The following DGCR2 variants were observed in gnomAD, a reference collection of about 807,000 sequenced individuals.
The protein encoded by DGCR2 is integral membrane protein DGCR2/IDD.
A neutral mutation model predicts 51.6 loss-of-function variants in DGCR2; 24 were observed. That is an observed-to-expected ratio of 0.47 (90% CI 0.34 to 0.65). The LOEUF (loss-of-function observed/expected upper bound fraction) is 0.65, where lower values mean the gene tolerates loss of function less well. Among genes scored for constraint, DGCR2 ranks in the 30% least tolerant of loss-of-function variants. The pLI is 0.01. For missense variants in DGCR2, 765 were observed against 772.1 expected (o/e 0.99, Z 0.11); for synonymous variants, 340 against 315.4 (o/e 1.08, Z -0.82).
At chr22:19,070,208 C>T (rs2082798589) in intron 2 of DGCR2, among the ~76,000 whole-genome samples, 1 of 151,952 alleles carries the variant, frequency 6.6e-6, no homozygotes, top group Non-Finnish European at 1.5e-5. Flanking sequence ...GATGCAGCCA[C>T]TAGGATGGGG....
chr22:19,092,439 T>C (rs1038956439), intron 1 of DGCR2, among the ~76,000 whole-genome samples: 11 of 151,972 alleles, frequency 7.2e-5, no homozygotes, highest in Non-Finnish European at 1.3e-4. Flanking sequence ...AATAAGGTAA[T>C]AGTATGAAAA....
At chr22:19,044,798 C>T (rs1466800173) in intron 7 of DGCR2, among the ~76,000 whole-genome samples, 1 of 152,218 alleles carries the variant, frequency 6.6e-6, no homozygotes, top group South Asian at 2.1e-4. Flanking sequence ...TAATAATTTA[C>T]ATCTTCTTCT....
intron 7 of DGCR2, among the ~76,000 whole-genome samples, chr22:19,042,209 G>A (rs2082440450): frequency 6.6e-6 from 1 of 152,206 alleles, no homozygotes; most frequent in African/African-American, 2.4e-5. Context: ...GCTGCTGTGT[G>A]CCAACACCCC....
intron 7 of DGCR2, chr22:19,046,592 G>C (rs2082492164): frequency 5.1e-6 from 1 of 194,956 alleles, no homozygotes; most frequent in African/African-American, 2.3e-5. Context: ...TTGTTGGAGG[G>C]GACATTCTGA....
At chr22:19,055,484 G>A (rs981016900) in intron 6 of DGCR2, among the ~76,000 whole-genome samples, 3 of 152,126 alleles carry the variant, frequency 2.0e-5, no homozygotes, top group Non-Finnish European at 4.4e-5. Flanking sequence ...AATCATCACT[G>A]TCCTGGAGAC....
intron 2 of DGCR2, among the ~76,000 whole-genome samples, chr22:19,071,236 T>C (rs1205973965): frequency 6.6e-6 from 1 of 152,166 alleles, no homozygotes; most frequent in Non-Finnish European, 1.5e-5. Context: ...CCAGCACCAC[T>C]AGAGTGCCAC....
chr22:19,119,629 G>C (rs556100123), intron 1 of DGCR2, among the ~76,000 whole-genome samples: 1 of 151,762 alleles, frequency 6.6e-6, no homozygotes. Context: ...CCAGCTACTC[G>C]GGAGGCTGAG....
intron 6 of DGCR2, among the ~76,000 whole-genome samples, chr22:19,050,117 C>A (rs2082533728): frequency 6.6e-6 from 1 of 152,170 alleles, no homozygotes; most frequent in Non-Finnish European, 1.5e-5. Context: ...ACCTATACAT[C>A]CAGGAAGCTC....
intron 6 of DGCR2, 145 bp from the exon 7 acceptor site, chr22:19,048,788 G>A: frequency 1.3e-6 from 1 of 779,956 alleles, no homozygotes; most frequent in Non-Finnish European, 2.1e-6. Flanking sequence ...GGAGGCAGCT[G>A]GAGGGGGCAT....
Position 19,108,080 on chromosome 22 carries a change from G to A in DGCR2, c.79+14048C>T, listed in dbSNP as rs577707841. Among the ~76,000 whole-genome samples the A allele has an allele frequency of 4.6e-5, 7 of 152,308 alleles. No individual in the cohort carries two copies. In the East Asian group the frequency reaches 1.3e-3, roughly 29 times the overall value. On this transcript the variant is annotated intron_variant, in intron 1 of 9. Coordinates refer to ENST00000263196, the MANE Select transcript of DGCR2 (RefSeq NM_005137.3). Reference sequence around the variant, plus strand: ...GCCAGGTGTTGTACAGGACACAAGTGAGAAGAGCAGGAGGAGAACCATAAG... The same window carrying A: ...GCCAGGTGTTGTACAGGACACAAGTAAGAAGAGCAGGAGGAGAACCATAAG...
intron 1 of DGCR2, among the ~76,000 whole-genome samples, chr22:19,105,420 G>A (rs2083251476): frequency 6.6e-6 from 1 of 152,156 alleles, no homozygotes; most frequent in South Asian, 2.1e-4. Context: ...CTAAATGGAG[G>A]GGTCACCTCT....
intron 2 of DGCR2, among the ~76,000 whole-genome samples, chr22:19,072,953 G>A (rs1036399873): frequency 2.0e-5 from 3 of 151,994 alleles, no homozygotes; most frequent in African/African-American, 7.2e-5. Flanking sequence ...CTCTGAAAAT[G>A]ATCTTGTACA....
At chr22:19,084,557 C>T (rs1348393187) in intron 2 of DGCR2, among the ~76,000 whole-genome samples, 2 of 135,810 alleles carry the variant, frequency 1.5e-5, no homozygotes, top group African/African-American at 3.0e-5. Context: ...GGAGCCCCTC[C>T]GCCCGGCAGC....
chr22:19,066,245 C>G (rs2082747171), intron 3 of DGCR2, among the ~76,000 whole-genome samples: 1 of 152,026 alleles, frequency 6.6e-6, no homozygotes, highest in South Asian at 2.1e-4. Flanking sequence ...ACCGAAAATA[C>G]AAAGAATTAG....
chr22:19,081,834 G>C (rs796186638), intron 2 of DGCR2, among the ~76,000 whole-genome samples: 22 of 152,286 alleles, frequency 1.4e-4, no homozygotes, highest in African/African-American at 5.1e-4. Context: ...GCCAGTCTAA[G>C]CATCTGTAAA....
At chr22:19,065,369 C>A (rs9604925) in intron 3 of DGCR2, among the ~76,000 whole-genome samples, 3 of 152,234 alleles carry the variant, frequency 2.0e-5, no homozygotes, top group Non-Finnish European at 4.4e-5. Context: ...ATTTCATTCT[C>A]TGGGTTAACA....
chr22:19,066,784 T>G (rs1418517032), intron 3 of DGCR2, among the ~76,000 whole-genome samples: 3 of 152,146 alleles, frequency 2.0e-5, no homozygotes, highest in Non-Finnish European at 4.4e-5. Context: ...TGGAGTTGCT[T>G]ACTACCCAGG....
At chr22:19,118,393 A>C (rs1296476455) in intron 1 of DGCR2, among the ~76,000 whole-genome samples, 1 of 151,266 alleles carries the variant, frequency 6.6e-6, no homozygotes, top group Non-Finnish European at 1.5e-5. Context: ...AAAAAAAAAA[A>C]AAAAACAACT....
intron 2 of DGCR2, among the ~76,000 whole-genome samples, chr22:19,075,550 C>A (rs933580184): frequency 6.6e-6 from 1 of 152,186 alleles, no homozygotes; most frequent in Admixed American, 6.5e-5. Context: ...TTTCATCTTA[C>A]CAAACAAACT....
Sources: allele counts gnomAD v4.1 joint callset (sites outside exome capture counted in the v4.1 genomes callset), GRCh38; gene constraint gnomAD v4.1.1; transcripts MANE v1.5; gene names NCBI Gene and HGNC (gene_info 2026-07-23, HGNC 2026-07-21).